EFCAB6: variants seen among roughly 807,000 people sequenced by gnomAD.
The protein encoded by EFCAB6 is EF-hand calcium-binding domain-containing protein 6.
A neutral mutation model predicts 169.8 loss-of-function variants in EFCAB6; 156 were observed. That is an observed-to-expected ratio of 0.92 (90% confidence interval 0.81 to 1.05). The LOEUF is 1.05. Ranked by LOEUF, EFCAB6 falls within the 50% of genes least tolerant of loss-of-function variation. EFCAB6 has a pLI of 0.00. For synonymous variants in EFCAB6, 698 were observed against 676.4 expected (o/e 1.03, Z -0.50); for missense variants, 1,800 against 1,829.1 (o/e 0.98, Z 0.29).
chr22:43,781,375 G>A (rs937730558), intron 3 of EFCAB6, among the ~76,000 whole-genome samples: 8 of 152,124 alleles, frequency 5.3e-5, no homozygotes, highest in African/African-American at 1.7e-4. Context: ...CCAGGCTGGA[G>A]TGCTGTGGCA....
chr22:43,623,796 C>G (rs1470995919), intron 20 of EFCAB6, among the ~76,000 whole-genome samples: 10 of 148,026 alleles, frequency 6.8e-5, no homozygotes, highest in Admixed American at 4.0e-4. Flanking sequence ...GTAGTCCCAG[C>G]TACTTGGGAG....
chr22:43,634,772 T>C (rs1213924426), intron 18 of EFCAB6, among the ~76,000 whole-genome samples: 1 of 152,128 alleles, frequency 6.6e-6, no homozygotes, highest in African/African-American at 2.4e-5. Flanking sequence ...TGTGGTATTG[T>C]TAACTACAGA....
At chr22:43,631,563 C>T (rs1387093354) in intron 19 of EFCAB6, among the ~76,000 whole-genome samples, 1 of 152,002 alleles carries the variant, frequency 6.6e-6, no homozygotes, top group African/African-American at 2.4e-5. Context: ...AGGGAGTCCT[C>T]CTTAAAGGGA....
At chr22:43,693,963 A>T (rs2058490039) in intron 10 of EFCAB6, among the ~76,000 whole-genome samples, 1 of 152,010 alleles carries the variant, frequency 6.6e-6, no homozygotes, top group African/African-American at 2.4e-5. Flanking sequence ...GATACAATAA[A>T]AAGAACTAAA....
intron 2 of EFCAB6, among the ~76,000 whole-genome samples, chr22:43,806,813 A>C (rs1180362107): frequency 6.6e-6 from 1 of 152,180 alleles, no homozygotes; most frequent in Non-Finnish European, 1.5e-5. Flanking sequence ...ATTGTCCTTA[A>C]ACAAAATTAA....
chr22:43,622,209 G>C (rs544499568), intron 20 of EFCAB6, among the ~76,000 whole-genome samples: 106 of 152,248 alleles, frequency 7.0e-4, no homozygotes, highest in South Asian at 1.5e-3. Flanking sequence ...ATCAGGGCTG[G>C]TATTCATGAC....
In EFCAB6 at chr22:43,644,034, G is replaced by A. The variant is rs951688244; in HGVS notation, c.1984-8818C>T. ...AGACGGGGTTTCACCATGTTGGCCC[G>A]GCTGGTCTCCAACTCCTGACCTCAG... On this transcript the variant is annotated intron_variant, in intron 17 of 31. Coordinates refer to ENST00000262726, the MANE Select transcript of EFCAB6 (RefSeq NM_022785.4). Among the ~76,000 whole-genome samples the A allele has an allele frequency of 5.3e-5, 8 of 152,042 alleles. No homozygotes were observed. In the East Asian group the frequency reaches 5.8e-4, roughly 11 times the overall value.
intron 27 of EFCAB6, among the ~76,000 whole-genome samples, chr22:43,546,317 T>C (rs780874990): frequency 1.3e-5 from 2 of 152,176 alleles, no homozygotes; most frequent in Non-Finnish European, 2.9e-5. Context: ...AACCTGAAGA[T>C]AGAGTACAAC....
chr22:43,763,164 G>A (rs1261140950), intron 5 of EFCAB6, among the ~76,000 whole-genome samples: 3 of 151,902 alleles, frequency 2.0e-5, no homozygotes, highest in East Asian at 1.9e-4. Flanking sequence ...TCAGCCTCCC[G>A]AGTCGCTGGG....
At chr22:43,575,562 T>C (rs79250651) in intron 26 of EFCAB6, among the ~76,000 whole-genome samples, 114 of 152,108 alleles carry the variant, frequency 7.5e-4, no homozygotes, top group Middle Eastern at 3.4e-3. Flanking sequence ...AAATCTAAAA[T>C]GCATTACTAT....
intron 6 of EFCAB6, among the ~76,000 whole-genome samples, chr22:43,740,257 A>G (rs1175030974): frequency 6.6e-6 from 1 of 151,978 alleles, no homozygotes; most frequent in Non-Finnish European, 1.5e-5. Flanking sequence ...TTCAAATGGC[A>G]TCACCTCCTT....
intron 8 of EFCAB6, among the ~76,000 whole-genome samples, chr22:43,728,317 G>A (rs1003462581): frequency 2.0e-5 from 3 of 152,114 alleles, no homozygotes; most frequent in Non-Finnish European, 4.4e-5. Flanking sequence ...ATCATTTATG[G>A]GCATTTGGGT....
intron 23 of EFCAB6, among the ~76,000 whole-genome samples, chr22:43,598,648 T>G (rs1009564369): frequency 6.6e-6 from 1 of 152,154 alleles, no homozygotes; most frequent in Non-Finnish European, 1.5e-5. Flanking sequence ...AAGAGTATAA[T>G]TGGATTGTTT....
intron 8 of EFCAB6, among the ~76,000 whole-genome samples, chr22:43,727,584 T>C (rs902682273): frequency 2.6e-5 from 4 of 152,154 alleles, no homozygotes; most frequent in African/African-American, 9.7e-5. Flanking sequence ...GTTTATGGTG[T>C]ATGTAAAAGT....
rs9626010 is a variant in EFCAB6, at chr22:43,667,157, G to T, written c.1930C>A (p.Leu644Ile). ...QQDPAFKKRF[L>I]DFSKEPNGKI... Reference sequence around the variant, plus strand: ...CCATTAGGCTCCTTGCTGAAGTCAAGAAATCGTTTTTTGAATGCCGGGTCC... The same window carrying T: ...CCATTAGGCTCCTTGCTGAAGTCAATAAATCGTTTTTTGAATGCCGGGTCC... Residue 644 changes from leucine to isoleucine, a missense_variant, in exon 17 of 32, where the codon CTT becomes ATT. Physicochemically the swap from Leu to Ile is conservative, Grantham distance 5. Coordinates refer to ENST00000262726, the MANE Select transcript of EFCAB6 (RefSeq NM_022785.4). The T allele has an allele frequency of 3.7e-6, 6 of 1,614,116 alleles. No homozygotes were observed. The highest frequency in any genetic ancestry group is 5.1e-6 in the Non-Finnish European group (6 of 1,179,998).
chr22:43,686,140 CCTGG>C (rs2058186626), intron 11 of EFCAB6, among the ~76,000 whole-genome samples: 1 of 152,118 alleles, frequency 6.6e-6, no homozygotes, highest in Non-Finnish European at 1.5e-5. Flanking sequence ...CGCCACCACG[CCTGG>C]CTAATTTTGT....
At chr22:43,790,100 G>T (rs977563015) in intron 2 of EFCAB6, among the ~76,000 whole-genome samples, 2 of 152,056 alleles carry the variant, frequency 1.3e-5, no homozygotes, top group African/African-American at 2.4e-5. Flanking sequence ...CTAGTACTTT[G>T]CTTTCCCTCT....
intron 6 of EFCAB6, among the ~76,000 whole-genome samples, chr22:43,753,379 C>A (rs780189208): frequency 1.3e-5 from 2 of 152,136 alleles, no homozygotes; most frequent in Non-Finnish European, 2.9e-5. Context: ...TTGAGTGGAA[C>A]CTGAGTGCAG....
At chr22:43,544,046 G>T (rs2047900747) in intron 27 of EFCAB6, among the ~76,000 whole-genome samples, 1 of 151,748 alleles carries the variant, frequency 6.6e-6, no homozygotes, top group South Asian at 2.1e-4. Flanking sequence ...AACAAAGCTT[G>T]GAACCCACAC....
Sources: allele counts gnomAD v4.1 joint callset (sites outside exome capture counted in the v4.1 genomes callset), GRCh38; gene constraint gnomAD v4.1.1; transcripts MANE v1.5; gene names NCBI Gene and HGNC (gene_info 2026-07-23, HGNC 2026-07-21).